The following PLA2G4E variants were observed in gnomAD, a reference collection of about 807,000 sequenced individuals.
PLA2G4E encodes cytosolic phospholipase A2 epsilon.
A neutral mutation model predicts 109.1 loss-of-function variants in PLA2G4E; 84 were observed. The observed-to-expected ratio is 0.77, with a 90% CI of 0.65 to 0.92. PLA2G4E has a LOEUF of 0.92. Among genes scored for constraint, PLA2G4E ranks in the 40% least tolerant of loss-of-function variants. The pLI, the probability that PLA2G4E is intolerant of heterozygous loss-of-function variation, is 0.00. For synonymous variants in PLA2G4E, 469 were observed against 436.1 expected (o/e 1.08, Z -0.94); for missense variants, 1,057 against 1,076.6 (o/e 0.98, Z 0.25).
At chr15:42,024,728 C>T (rs1177642654) in intron 1 of PLA2G4E, among the ~76,000 whole-genome samples, 1 of 152,172 alleles carries the variant, frequency 6.6e-6, no homozygotes, top group Non-Finnish European at 1.5e-5. Context: ...TTTAGAAACA[C>T]TCCCTTCAAC....
chr15:42,016,428 C>A (rs1022812758), intron 1 of PLA2G4E, among the ~76,000 whole-genome samples: 2 of 151,906 alleles, frequency 1.3e-5, no homozygotes, highest in African/African-American at 4.8e-5. Context: ...ACCTCTGCCT[C>A]CCAGGTTCAA....
intron 9 of PLA2G4E, 145 bp from the exon 10 acceptor site, chr15:41,999,706 C>A: frequency 1.7e-6 from 2 of 1,172,054 alleles, no homozygotes; most frequent in Non-Finnish European, 2.4e-6. Flanking sequence ...TGGACACAAT[C>A]TCCCCACCAT....
chr15:41,992,301 G>A lies in PLA2G4E; in HGVS notation c.1470+436C>T, dbSNP rs142379094. Reference sequence around the variant, plus strand: ...AGACGCGGGACTCCTGTGACAGCCAGCTTTGGCTGGAGGACCCTCCAAGGG... The same window carrying A: ...AGACGCGGGACTCCTGTGACAGCCAACTTTGGCTGGAGGACCCTCCAAGGG... On this transcript the variant is annotated intron_variant, in intron 13 of 19. Transcript: ENST00000399518. Among the ~76,000 whole-genome samples the A allele has an allele frequency of 3.9e-3, 589 of 152,294 alleles. 3 individuals are homozygous for A. Among genetic ancestry groups the A allele is most frequent in the African/African-American group, 0.014 (570 of 41,556 alleles).
chr15:42,013,894 T>G (rs1046050867), intron 1 of PLA2G4E, 137 bp from the exon 2 acceptor site: 1 of 611,440 alleles, frequency 1.6e-6, no homozygotes, highest in East Asian at 3.0e-5. Context: ...TTTTTTTTTT[T>G]TTTTTTTTTT....
intron 1 of PLA2G4E, among the ~76,000 whole-genome samples, chr15:42,036,507 G>C (rs1195269371): frequency 1.3e-5 from 2 of 152,102 alleles, no homozygotes; most frequent in African/African-American, 4.8e-5. Flanking sequence ...CTGTGCCTCG[G>C]GTGGAGGCTC....
At chr15:42,038,500 C>T (rs1395205650) in intron 1 of PLA2G4E, among the ~76,000 whole-genome samples, 1 of 152,222 alleles carries the variant, frequency 6.6e-6, no homozygotes, top group African/African-American at 2.4e-5. Context: ...AGCGTGCAAC[C>T]TAGATCCCTT....
rs376269308 is a variant in PLA2G4E, at chr15:41,990,144, T to C, written c.1562A>G (p.Asp521Gly). ...ACCTCTGAAGTCCTGGTTGCTTACA[T>C]CATCCTTGACATTGATGGTGAGGTA... The change falls in exon 14 of 20, where the codon GAT becomes GGT. Residue 521 changes from aspartate (D) to glycine (G), a missense_variant. Physicochemically the swap from Asp to Gly is moderately conservative, Grantham distance 94 (BLOSUM62 -1). Coordinates refer to ENST00000399518, the Ensembl canonical transcript of PLA2G4E. 72 of 1,613,330 alleles carry C rather than the reference T, an allele frequency of 4.5e-5. No homozygotes were observed. The highest frequency in any genetic ancestry group is 1.7e-5 in the Admixed American group (1 of 59,994).
At chr15:42,048,402 C>A (rs1889450985) in intron 1 of PLA2G4E, among the ~76,000 whole-genome samples, 1 of 152,090 alleles carries the variant, frequency 6.6e-6, no homozygotes, top group African/African-American at 2.4e-5. Context: ...GTGGATTGGC[C>A]CTTTATGTTT....
rs139377693 is a variant in PLA2G4E, at chr15:42,022,602, G to A, written c.184-8845C>T. ...AAGGAATGTGCAACCTAGATCCCTC[G>A]AGTATACAGTTAACAATAGGGTTTG... is the stretch of plus-strand genomic sequence containing the variant. On this transcript the variant is annotated intron_variant, in intron 1 of 19. Coordinates refer to ENST00000399518, the Ensembl canonical transcript of PLA2G4E. Among the ~76,000 whole-genome samples, 382 of 152,096 alleles carry A rather than the reference G, an allele frequency of 2.5e-3. 1 individual carries two copies. The highest frequency in any genetic ancestry group is 8.7e-3 in the African/African-American group (360 of 41,486).
chr15:42,002,672 G>T lies in PLA2G4E; in HGVS notation c.591C>A (p.Val197=), dbSNP rs1327977802. The stretch of plus-strand genomic sequence containing the variant: ...TAATTACCACCAGCACGCCATTGGT[G>T]ACGAGGGTCTCAGGTGGAGAGGGAC... The change falls in exon 6 of 20, where the codon GTC becomes GTA. Residue 197 remains valine (V), a synonymous_variant. Coordinates refer to ENST00000399518, the Ensembl canonical transcript of PLA2G4E. 8.2e-6 allele frequency: 13 copies of T among 1,585,384 alleles called. No individual in the cohort carries two copies. In the Admixed American group the frequency reaches 1.8e-4, roughly 22 times the overall value.
At chr15:42,001,030 G>A (rs988118515) in intron 7 of PLA2G4E, 127 bp downstream of exon 7, 3 of 933,844 alleles carry the variant, frequency 3.2e-6, no homozygotes, top group Admixed American at 4.5e-5. Flanking sequence ...ATTCTGAGGG[G>A]TTTCAGCCGA....
exon 3 of PLA2G4E, chr15:42,007,777 A>G: frequency 6.2e-7 from 1 of 1,612,584 alleles, no homozygotes. Context: ...TCCACTCTGG[A>G]TTTGGGCAGT....
chr15:42,002,189 C>T (rs113771354), intron 6 of PLA2G4E, among the ~76,000 whole-genome samples: 16 of 134,542 alleles, frequency 1.2e-4, no homozygotes, highest in African/African-American at 3.6e-4. Flanking sequence ...TGCTTGAGCA[C>T]GGGAGGCAGA....
intron 2 of PLA2G4E, among the ~76,000 whole-genome samples, chr15:42,012,348 T>TA: frequency 6.6e-6 from 1 of 152,258 alleles, no homozygotes; most frequent in South Asian, 2.1e-4. Flanking sequence ...TGGTTCTCCA[T>TA]ACCTGGCTTG....
intron 3 of PLA2G4E, among the ~76,000 whole-genome samples, chr15:42,007,334 A>G (rs1192402838): frequency 6.6e-6 from 1 of 152,230 alleles, no homozygotes; most frequent in Non-Finnish European, 1.5e-5. Flanking sequence ...AGCAATATGA[A>G]AAGAATTTAA....
Position 41,995,461 on chromosome 15 carries a change from T to C in PLA2G4E, c.1146A>G (p.Gly382=), listed in dbSNP as rs187790810. 1,202 of 1,613,972 alleles carry C rather than the reference T, an allele frequency of 7.4e-4. 2 individuals are homozygous for C. Among genetic ancestry groups the C allele is most frequent in the Non-Finnish European group, 8.2e-4 (970 of 1,179,880 alleles). ...CATACATGGAGGTCATGGATCTTGT[T>C]CCACCCCCAGTGGCCATGATGGCTA... is the stretch of plus-strand genomic sequence containing the variant. Residue 382 remains glycine (G), a synonymous_variant, in exon 12 of 20, where the codon GGA becomes GGG. Coordinates refer to ENST00000399518, the Ensembl canonical transcript of PLA2G4E.
chr15:42,044,236 G>T (rs1889368794), intron 1 of PLA2G4E, among the ~76,000 whole-genome samples: 1 of 152,166 alleles, frequency 6.6e-6, no homozygotes, highest in Non-Finnish European at 1.5e-5. Flanking sequence ...GACGGGAACG[G>T]ATTCTGATTT....
At chr15:42,010,659 A>G (rs2141053808) in intron 2 of PLA2G4E, among the ~76,000 whole-genome samples, 1 of 152,332 alleles carries the variant, frequency 6.6e-6, no homozygotes, top group East Asian at 1.9e-4. Flanking sequence ...TGACTCAATC[A>G]TCTCTATAGA....
Position 42,039,196 on chromosome 15 carries a change from A to G in PLA2G4E, c.183+11325T>C, listed in dbSNP as rs542058193. Among the ~76,000 whole-genome samples the G allele has an allele frequency of 9.2e-5, 14 of 152,358 alleles. No individual in the cohort carries two copies. In the South Asian group the frequency reaches 2.9e-3, roughly 32 times the overall value. ...ACAGCAGTAGTTATCCAAAGCTACA[A>G]GACTATTTATGCCCAAGTAATTACA... On this transcript the variant is annotated intron_variant, in intron 1 of 19. Coordinates refer to ENST00000399518, the Ensembl canonical transcript of PLA2G4E.
Sources: allele counts gnomAD v4.1 joint callset (sites outside exome capture counted in the v4.1 genomes callset), GRCh38; gene constraint gnomAD v4.1.1; transcripts MANE v1.5; gene names NCBI Gene and HGNC (gene_info 2026-07-23, HGNC 2026-07-21).